Variants in UBE2E2 observed in about 807,000 individuals in gnomAD.
UBE2E2 encodes ubiquitin-conjugating enzyme E2 E2.
Under a neutral mutation model 24.7 loss-of-function variants are expected in UBE2E2, and 6 were observed. The ratio of observed to expected loss-of-function variants is 0.24; its 90% CI spans 0.13 to 0.48. UBE2E2 has a LOEUF of 0.48. UBE2E2 is among the 20% of genes least tolerant of loss of function. The probability of loss-of-function intolerance (pLI) is 0.99; values close to 1 mark genes in which losing one functional copy is unlikely to be tolerated. For missense variants in UBE2E2, 169 were observed against 245.0 expected, an observed-to-expected ratio of 0.69 and a Z score of 2.07; for synonymous variants, 104 against 83.6, an observed-to-expected ratio of 1.24 and a Z score of -1.33.
intron 5 of UBE2E2, among the ~76,000 whole-genome samples, chr3:23,571,280 C>CTCTTTTTTTTTTTT (rs1696217145): frequency 9.0e-4 from 27 of 29,886 alleles, no homozygotes; most frequent in African/African-American, 2.8e-3. Context: ...GTGCTCCTTT[C>CTCTTTTTTTTTTTT]TTTTTTTTTT....
chr3:23,420,454 T>C (rs554604459), intron 3 of UBE2E2, among the ~76,000 whole-genome samples: 1 of 152,332 alleles, frequency 6.6e-6, no homozygotes, highest in East Asian at 1.9e-4. Context: ...GAATGACATA[T>C]TATTCAGGCT....
intron 2 of UBE2E2, among the ~76,000 whole-genome samples, chr3:23,214,555 C>A (rs1194323004): frequency 6.6e-6 from 1 of 151,806 alleles, no homozygotes; most frequent in Non-Finnish European, 1.5e-5. Context: ...TGAGCCTGGC[C>A]CAGGATTTAT....
chr3:23,497,044 G>T (rs1208965121), intron 3 of UBE2E2, among the ~76,000 whole-genome samples: 1 of 152,064 alleles, frequency 6.6e-6, no homozygotes, highest in Admixed American at 6.6e-5. Flanking sequence ...TATTAAGAAA[G>T]TCATAAGGAA....
chr3:23,240,656 C>G (rs868600060), intron 3 of UBE2E2, among the ~76,000 whole-genome samples: 3 of 152,196 alleles, frequency 2.0e-5, no homozygotes, highest in African/African-American at 7.2e-5. Context: ...GGCATTTTCA[C>G]TTCTACGATT....
chr3:23,560,240 C>T (rs976212728), intron 5 of UBE2E2, among the ~76,000 whole-genome samples: 39 of 136,436 alleles, frequency 2.9e-4, no homozygotes, highest in Non-Finnish European at 5.2e-4. Context: ...CAACAGGCCC[C>T]GGTGTGTGAT....
intron 5 of UBE2E2, among the ~76,000 whole-genome samples, chr3:23,564,858 A>G (rs994572365): frequency 1.3e-5 from 2 of 152,160 alleles, no homozygotes; most frequent in Non-Finnish European, 2.9e-5. Flanking sequence ...AAAAATTAAA[A>G]CACCAATGAG....
chr3:23,249,461 T>G (rs771809136), intron 3 of UBE2E2, among the ~76,000 whole-genome samples: 4 of 152,140 alleles, frequency 2.6e-5, no homozygotes, highest in Non-Finnish European at 5.9e-5. Flanking sequence ...ATTAAAAGCT[T>G]CTTAGTATGT....
chr3:23,535,769 C>G (rs944647671), intron 5 of UBE2E2, among the ~76,000 whole-genome samples: 13 of 151,800 alleles, frequency 8.6e-5, no homozygotes, highest in African/African-American at 2.9e-4. Context: ...TCTACAGGCC[C>G]CACCACCATG....
At chr3:23,320,665 G>A (rs1216330313) in intron 3 of UBE2E2, among the ~76,000 whole-genome samples, 1 of 152,234 alleles carries the variant, frequency 6.6e-6, no homozygotes, top group Non-Finnish European at 1.5e-5. Context: ...CCAAGGGCTT[G>A]TAGCACAGAA....
intron 3 of UBE2E2, among the ~76,000 whole-genome samples, chr3:23,256,192 T>G (rs1219695002): frequency 6.6e-6 from 1 of 152,232 alleles, no homozygotes; most frequent in Non-Finnish European, 1.5e-5. Context: ...CAGAGTTCTT[T>G]TTGGGATACA....
At chr3:23,573,696 T>C (rs913967408) in intron 5 of UBE2E2, among the ~76,000 whole-genome samples, 22 of 152,224 alleles carry the variant, frequency 1.4e-4, no homozygotes, top group African/African-American at 5.3e-4. Context: ...TACCAATATC[T>C]TTTCTCAGTG....
At chr3:23,470,038 G>A (rs1326127957) in intron 3 of UBE2E2, among the ~76,000 whole-genome samples, 5 of 152,160 alleles carry the variant, frequency 3.3e-5, no homozygotes, top group African/African-American at 4.8e-5. Flanking sequence ...CTGGTTATCT[G>A]TCTGGCACAT....
At chr3:23,408,742 C>A (rs1188099429) in intron 3 of UBE2E2, among the ~76,000 whole-genome samples, 1 of 152,148 alleles carries the variant, frequency 6.6e-6, no homozygotes, top group Non-Finnish European at 1.5e-5. Context: ...TCACAAAAAA[C>A]TAGCAGAGTT....
intron 5 of UBE2E2, among the ~76,000 whole-genome samples, chr3:23,578,278 A>T (rs1696393342): frequency 6.6e-6 from 1 of 152,212 alleles, no homozygotes; most frequent in Non-Finnish European, 1.5e-5. Flanking sequence ...AAGTCAAAAA[A>T]CAACAAATGC....
chr3:23,247,106 C>T (rs752101147), intron 3 of UBE2E2, among the ~76,000 whole-genome samples: 4 of 152,180 alleles, frequency 2.6e-5, no homozygotes, highest in Non-Finnish European at 4.4e-5. Flanking sequence ...CCTCCTGCCT[C>T]AGCTCCCAAA....
chr3:23,336,879 C>T (rs1433265789), intron 3 of UBE2E2, among the ~76,000 whole-genome samples: 1 of 152,108 alleles, frequency 6.6e-6, no homozygotes. Flanking sequence ...GTGTTGCATG[C>T]CTGTAATCCC....
intron 5 of UBE2E2, among the ~76,000 whole-genome samples, chr3:23,553,652 C>CT (rs1353558389): frequency 6.6e-6 from 1 of 151,992 alleles, no homozygotes; most frequent in Non-Finnish European, 1.5e-5. Flanking sequence ...CATGAGGAGG[C>CT]TTTCTCAAAA....
chr3:23,428,859 G>GA, intron 3 of UBE2E2, among the ~76,000 whole-genome samples: 1 of 147,190 alleles, frequency 6.8e-6, no homozygotes, highest in Non-Finnish European at 1.5e-5. Flanking sequence ...CCTGGGAAAT[G>GA]GAGGCTGCAG....
At chr3:23,445,095 T>C (rs1223764578) in intron 3 of UBE2E2, among the ~76,000 whole-genome samples, 2 of 152,236 alleles carry the variant, frequency 1.3e-5, no homozygotes, top group East Asian at 1.9e-4. Flanking sequence ...GTCTCTTTCA[T>C]TGGCAGTTTA....
Sources: allele counts gnomAD v4.1 joint callset (sites outside exome capture counted in the v4.1 genomes callset), GRCh38; gene constraint gnomAD v4.1.1; transcripts MANE v1.5; gene names NCBI Gene and HGNC (gene_info 2026-07-23, HGNC 2026-07-21).